DNAI4: variants seen among roughly 807,000 people sequenced by gnomAD.
DNAI4 encodes WD repeat domain 78.
Under a neutral mutation model 105.8 loss-of-function variants are expected in DNAI4, and 85 were observed. The observed-to-expected ratio is 0.80, with a 90% CI of 0.67 to 0.96. DNAI4 has a LOEUF of 0.96. Among genes scored for constraint, DNAI4 ranks in the 40% least tolerant of loss-of-function variants. The probability of loss-of-function intolerance (pLI) is 0.00; values close to 1 mark genes in which losing one functional copy is unlikely to be tolerated. For missense variants in DNAI4, 1,014 were observed against 1,005.6 expected (o/e 1.01, Z -0.11); for synonymous variants, 352 against 331.5 (o/e 1.06, Z -0.67).
intron 2 of DNAI4, among the ~76,000 whole-genome samples, chr1:66,903,052 A>T (rs1213783170): frequency 6.6e-6 from 1 of 152,222 alleles, no homozygotes; most frequent in African/African-American, 2.4e-5. Context: ...TATACATTTT[A>T]GGATAGGTTT....
At chr1:66,850,639 T>G (rs1194274590) in intron 7 of DNAI4, among the ~76,000 whole-genome samples, 3 of 152,002 alleles carry the variant, frequency 2.0e-5, no homozygotes, top group Admixed American at 6.6e-5. Context: ...TGATATAGTT[T>G]TAAATGTCTA....
At chr1:66,871,241 T>C in intron 6 of DNAI4, 129 bp downstream of exon 6, 1 of 684,862 alleles carries the variant, frequency 1.5e-6, no homozygotes, top group Non-Finnish European at 2.3e-6. Context: ...AGTGTCCAAC[T>C]ACTGTTGTGG....
chr1:66,900,818 A>C (rs1569842967), intron 2 of DNAI4, among the ~76,000 whole-genome samples: 1 of 152,176 alleles, frequency 6.6e-6, no homozygotes, highest in East Asian at 1.9e-4. Flanking sequence ...GTCTGTATAT[A>C]TAACATCATG....
intron 7 of DNAI4, among the ~76,000 whole-genome samples, chr1:66,848,730 A>G (rs541372951): frequency 1.3e-5 from 2 of 152,224 alleles, no homozygotes; most frequent in African/African-American, 4.8e-5. Context: ...GAAGTCAGCA[A>G]CCTGGGAACA....
chr1:66,839,904 A>G (rs1646111764), intron 9 of DNAI4, among the ~76,000 whole-genome samples: 1 of 152,192 alleles, frequency 6.6e-6, no homozygotes, highest in African/African-American at 2.4e-5. Context: ...CAACATAATG[A>G]GAAAAATAAT....
intron 10 of DNAI4, among the ~76,000 whole-genome samples, chr1:66,836,162 A>AAGAAAG (rs1465003906): frequency 2.1e-5 from 1 of 46,902 alleles, no homozygotes; most frequent in African/African-American, 7.3e-5. Context: ...GAAAGAAAGA[A>AAGAAAG]AGAAAGAAAG....
At chr1:66,901,586 A>G (rs183972255) in intron 2 of DNAI4, among the ~76,000 whole-genome samples, 1 of 152,286 alleles carries the variant, frequency 6.6e-6, no homozygotes, top group Non-Finnish European at 1.5e-5. Flanking sequence ...GTGTATATAT[A>G]CCACTTTTTG....
chr1:66,889,857 A>G (rs985530861), intron 4 of DNAI4, among the ~76,000 whole-genome samples: 1 of 152,164 alleles, frequency 6.6e-6, no homozygotes, highest in Non-Finnish European at 1.5e-5. Context: ...ACAAGTAACT[A>G]ATCATCTTTA....
At chr1:66,913,166 C>G (rs1217989649) in intron 1 of DNAI4, among the ~76,000 whole-genome samples, 1 of 152,124 alleles carries the variant, frequency 6.6e-6, no homozygotes, top group Non-Finnish European at 1.5e-5. Flanking sequence ...TGAGACCCAT[C>G]CCTAGGTAAG....
chr1:66,837,765 C>T lies in DNAI4; in HGVS notation c.1526G>A (p.Gly509Glu), dbSNP rs769394751. 1.2e-6 allele frequency: 2 copies of T among 1,608,688 alleles called. No individual in the cohort carries two copies. Among genetic ancestry groups the T allele is most frequent in the Admixed American group, 1.7e-5 (1 of 59,338 alleles). ...CAGTCCTCTTTTTTGCTCTTTAAAT[C>T]CAAAGTGCCCATAGCCAACAGCCAA... Reference protein sequence around the residue: ...DLLAVGYGHFGFKEQKRGLAC... With the variant: ...DLLAVGYGHFEFKEQKRGLAC... The change falls in exon 10 of 17, where the codon GGA becomes GAA. Residue 509 changes from glycine to glutamate, a missense_variant. By Grantham distance (98) the Gly-to-Glu change is moderately conservative (BLOSUM62 -2). Transcript: ENST00000371026.
chr1:66,880,706 T>C (rs536513209), intron 4 of DNAI4, among the ~76,000 whole-genome samples: 1 of 152,220 alleles, frequency 6.6e-6, no homozygotes, highest in Admixed American at 6.5e-5. Flanking sequence ...GACAATGCAA[T>C]AGAAAAGAAA....
intron 9 of DNAI4, among the ~76,000 whole-genome samples, chr1:66,838,566 T>C (rs980446372): frequency 2.0e-5 from 3 of 152,250 alleles, no homozygotes; most frequent in African/African-American, 4.8e-5. Flanking sequence ...GAAATGCATA[T>C]GTAAATACAA....
At chr1:66,896,025 A>G (rs1010295512) in intron 2 of DNAI4, among the ~76,000 whole-genome samples, 10 of 152,126 alleles carry the variant, frequency 6.6e-5, no homozygotes, top group African/African-American at 2.4e-4. Flanking sequence ...TTTGTTTCTC[A>G]TACTGTATTC....
chr1:66,919,218 A>G, intron 1 of DNAI4: 1 of 298,022 alleles, frequency 3.4e-6, no homozygotes, highest in South Asian at 2.9e-5. Context: ...CCTTGGCACA[A>G]TAAACTTTCT....
intron 6 of DNAI4, among the ~76,000 whole-genome samples, chr1:66,864,960 G>T (rs886613564): frequency 6.6e-6 from 1 of 152,160 alleles, no homozygotes; most frequent in Non-Finnish European, 1.5e-5. Flanking sequence ...ATCAACTGGG[G>T]ATGTTCTATT....
chr1:66,869,686 T>C (rs1415202976), intron 6 of DNAI4, among the ~76,000 whole-genome samples: 1 of 152,198 alleles, frequency 6.6e-6, no homozygotes, highest in Non-Finnish European at 1.5e-5. Flanking sequence ...TTACCTTTAT[T>C]ACTGATAATG....
At chr1:66,896,190 T>C (rs563202739) in intron 2 of DNAI4, among the ~76,000 whole-genome samples, 1 of 152,332 alleles carries the variant, frequency 6.6e-6, no homozygotes, top group East Asian at 1.9e-4. Context: ...TTTAAATCAC[T>C]CATATAAATT....
At chr1:66,910,817 CCT>C (rs2100857848) in intron 1 of DNAI4, among the ~76,000 whole-genome samples, 1 of 152,286 alleles carries the variant, frequency 6.6e-6, no homozygotes, top group Non-Finnish European at 1.5e-5. Flanking sequence ...TCTTTCATTC[CCT>C]GTTGTATCCC....
At chr1:66,819,804 C>G (rs1037717031) in intron 16 of DNAI4, among the ~76,000 whole-genome samples, 3 of 152,110 alleles carry the variant, frequency 2.0e-5, no homozygotes, top group Non-Finnish European at 4.4e-5. Context: ...TCAAACAACT[C>G]AAACCACTCA....
Sources: allele counts gnomAD v4.1 joint callset (sites outside exome capture counted in the v4.1 genomes callset), GRCh38; gene constraint gnomAD v4.1.1; transcripts MANE v1.5; gene names NCBI Gene and HGNC (gene_info 2026-07-23, HGNC 2026-07-21).